The following THUMPD2 variants were observed in gnomAD, a reference collection of about 807,000 sequenced individuals.
The protein encoded by THUMPD2 is THUMP domain 2 tRNA and snRNA guanosine methyltransferase, also known as U6 snRNA (guanine-N(2))-methyltransferase THUMPD2.
Under a neutral mutation model 49.4 loss-of-function variants are expected in THUMPD2, and 56 were observed. That is an observed-to-expected ratio of 1.13 (90% CI 0.91 to 1.41). The LOEUF is 1.41. Ranked by LOEUF, THUMPD2 falls within the 40% of genes most tolerant of loss-of-function variation. The pLI is 0.00. For synonymous variants in THUMPD2, 237 were observed against 205.2 expected, an observed-to-expected ratio of 1.15 and a Z score of -1.32; for missense variants, 709 against 594.5, an observed-to-expected ratio of 1.19 and a Z score of -2.00.
intron 9 of THUMPD2, 24 bp downstream of exon 9, chr2:39,744,346 A>G (rs1399998210): frequency 6.8e-7 from 1 of 1,459,898 alleles, no homozygotes; most frequent in Non-Finnish European, 9.3e-7. Flanking sequence ...TAAAAAAATT[A>G]TGAAAATAAA....
chr2:39,750,460 A>T (rs543635198), intron 8 of THUMPD2, among the ~76,000 whole-genome samples: 85 of 152,212 alleles, frequency 5.6e-4, no homozygotes, highest in African/African-American at 1.9e-3. Flanking sequence ...TTTTCTTATA[A>T]ATTTGTTAGG....
intron 8 of THUMPD2, among the ~76,000 whole-genome samples, chr2:39,754,565 G>A (rs915870204): frequency 1.3e-5 from 2 of 151,988 alleles, no homozygotes; most frequent in African/African-American, 2.4e-5. Context: ...TTCTTACCTG[G>A]GAATTAAATT....
intron 8 of THUMPD2, among the ~76,000 whole-genome samples, chr2:39,745,703 T>C (rs928947922): frequency 5.9e-5 from 9 of 152,230 alleles, no homozygotes; most frequent in Admixed American, 2.6e-4. Context: ...GATTTTTTTC[T>C]TCTGGGTCTC....
intron 9 of THUMPD2, among the ~76,000 whole-genome samples, chr2:39,737,684 C>T (rs148822376): frequency 1.2e-4 from 18 of 152,190 alleles, no homozygotes; most frequent in Non-Finnish European, 1.0e-4. Context: ...GGCTTGGGAA[C>T]ATGAGGTGGG....
chr2:39,771,375 T>C (rs988353790), intron 2 of THUMPD2, 130 bp downstream of exon 2: 1 of 993,156 alleles, frequency 1.0e-6, no homozygotes, highest in Non-Finnish European at 1.4e-6. Context: ...TACAGAAAAA[T>C]ACATAATTAA....
intron 1 of THUMPD2, among the ~76,000 whole-genome samples, chr2:39,776,645 C>A (rs1679142743): frequency 6.6e-6 from 1 of 152,126 alleles, no homozygotes; most frequent in Non-Finnish European, 1.5e-5. Context: ...CCCGGCTTGG[C>A]CTCCCAAAGT....
chr2:39,767,598 C>T (rs1474727148), intron 4 of THUMPD2, among the ~76,000 whole-genome samples: 4 of 31,168 alleles, frequency 1.3e-4, no homozygotes, highest in Non-Finnish European at 1.7e-4. Context: ...AGCGAGACTC[C>T]GTCTCAAAAA....
intron 8 of THUMPD2, among the ~76,000 whole-genome samples, chr2:39,754,861 A>G (rs1675887099): frequency 6.6e-6 from 1 of 152,132 alleles, no homozygotes; most frequent in South Asian, 2.1e-4. Flanking sequence ...TGGTTAGCTT[A>G]CTCCTGTGTA....
chr2:39,751,127 A>T (rs964607445), intron 8 of THUMPD2, among the ~76,000 whole-genome samples: 14 of 152,372 alleles, frequency 9.2e-5, no homozygotes, highest in Non-Finnish European at 2.1e-4. Context: ...TGATTTCCCA[A>T]ATGGGCAGCC....
intron 1 of THUMPD2, among the ~76,000 whole-genome samples, chr2:39,774,247 C>T (rs1252510722): frequency 6.6e-6 from 1 of 152,198 alleles, no homozygotes; most frequent in East Asian, 1.9e-4. Context: ...AAATAATTAT[C>T]TTACTTGTTT....
chr2:39,775,468 A>T (rs897443893), intron 1 of THUMPD2, among the ~76,000 whole-genome samples: 2 of 152,176 alleles, frequency 1.3e-5, no homozygotes, highest in Non-Finnish European at 1.5e-5. Flanking sequence ...TGTTTCACTT[A>T]ATTTGTAAAA....
At chr2:39,766,991 T>A (rs1677608123) in intron 4 of THUMPD2, among the ~76,000 whole-genome samples, 1 of 152,224 alleles carries the variant, frequency 6.6e-6, no homozygotes, top group African/African-American at 2.4e-5. Context: ...AGATACGACA[T>A]GTTCATATAT....
intron 1 of THUMPD2, among the ~76,000 whole-genome samples, chr2:39,774,223 T>A (rs1678770561): frequency 6.6e-6 from 1 of 152,256 alleles, no homozygotes; most frequent in Non-Finnish European, 1.5e-5. Context: ...ATAACTTAAC[T>A]GGAACAGTTG....
chr2:39,737,115 A>G, intron 9 of THUMPD2, 56 bp from the exon 10 acceptor site: 2 of 1,433,102 alleles, frequency 1.4e-6, no homozygotes, highest in South Asian at 2.8e-5. Context: ...ACAACAAACA[A>G]TCCCACTTCA....
chr2:39,746,623 G>A (rs2148204043), intron 8 of THUMPD2, among the ~76,000 whole-genome samples: 1 of 152,038 alleles, frequency 6.6e-6, no homozygotes, highest in Non-Finnish European at 1.5e-5. Flanking sequence ...TCTGCAGGAT[G>A]ATTCAAGAAC....
chr2:39,765,303 G>A (rs1325499381), intron 5 of THUMPD2, among the ~76,000 whole-genome samples: 2 of 152,042 alleles, frequency 1.3e-5, no homozygotes, highest in African/African-American at 4.8e-5. Flanking sequence ...GGAATTACAG[G>A]TGCCTGCTAC....
Position 39,757,517 on chromosome 2 carries a change from T to C in THUMPD2, c.892-1557A>G, listed in dbSNP as rs897156829. On this transcript the variant is annotated intron_variant, in intron 6 of 9. Coordinates refer to ENST00000505747, the MANE Select transcript of THUMPD2 (RefSeq NM_025264.5). The stretch of plus-strand genomic sequence containing the variant: ...TGCAAATTTTGTTGAAAATTGTTAA[T>C]AGCATGAGAACCCATTTTTATTAGG... 3.9e-6 allele frequency: 3 copies of C among 773,784 alleles called. No individual in the cohort carries two copies. The South Asian group carries it at 5.1e-5, about 13-fold the overall frequency. 47.9% of individuals were successfully genotyped at this position (773,784 alleles called of 1,614,324 possible).
intron 8 of THUMPD2, among the ~76,000 whole-genome samples, chr2:39,751,516 G>A (rs1028608264): frequency 6.6e-6 from 1 of 151,972 alleles, no homozygotes; most frequent in African/African-American, 2.4e-5. Flanking sequence ...TTATGTTATA[G>A]TTTCTATCTT....
At chr2:39,766,235 C>T in intron 4 of THUMPD2, 126 bp from the exon 5 acceptor site, 1 of 555,176 alleles carries the variant, frequency 1.8e-6, no homozygotes, top group East Asian at 3.4e-5. Context: ...AGGCCTTATT[C>T]ATCATATCTA....
Sources: allele counts gnomAD v4.1 joint callset (sites outside exome capture counted in the v4.1 genomes callset), GRCh38; gene constraint gnomAD v4.1.1; transcripts MANE v1.5; gene names NCBI Gene and HGNC (gene_info 2026-07-23, HGNC 2026-07-21).